NTAQ1: variants seen among roughly 807,000 people sequenced by gnomAD.
The protein encoded by NTAQ1 is protein N-terminal glutamine amidohydrolase.
In NTAQ1, 21 loss-of-function variants were observed where a neutral mutation model predicts 28.2. The observed-to-expected ratio is 0.74, with a 90% CI of 0.53 to 1.07. The LOEUF (loss-of-function observed/expected upper bound fraction) is 1.07. Among genes scored for constraint, NTAQ1 ranks in the 50% least tolerant of loss-of-function variants. NTAQ1 has a pLI of 0.00. For synonymous variants in NTAQ1, 105 were observed against 90.0 expected, an observed-to-expected ratio of 1.17 and a Z score of -0.94; for missense variants, 264 against 256.6, an observed-to-expected ratio of 1.03 and a Z score of -0.20.
At chr8:123,435,451 C>T (rs1011585611) in intron 3 of NTAQ1, 3 of 985,322 alleles carry the variant, frequency 3.0e-6, no homozygotes, top group Admixed American at 6.1e-5. Context: ...GGCTGACCCC[C>T]AGAAGCCTCC....
At chr8:123,426,421 G>A (rs1156862814) in intron 1 of NTAQ1, among the ~76,000 whole-genome samples, 2 of 152,232 alleles carry the variant, frequency 1.3e-5, no homozygotes, top group African/African-American at 2.4e-5. Flanking sequence ...TGTAATCCCA[G>A]TACTTAGGAA....
intron 6 of NTAQ1, among the ~76,000 whole-genome samples, chr8:123,459,326 C>T (rs991695642): frequency 6.6e-6 from 1 of 152,068 alleles, no homozygotes; most frequent in Non-Finnish European, 1.5e-5. Flanking sequence ...GCTTCTGTCC[C>T]CATGGAGTTG....
chr8:123,462,680 T>G (rs1173726283), intron 6 of NTAQ1, among the ~76,000 whole-genome samples: 1 of 152,072 alleles, frequency 6.6e-6, no homozygotes, highest in Non-Finnish European at 1.5e-5. Flanking sequence ...CTCAAAGAGG[T>G]CCCCCAGCTA....
intron 6 of NTAQ1, among the ~76,000 whole-genome samples, chr8:123,459,458 C>T (rs1468848181): frequency 6.6e-6 from 1 of 152,144 alleles, no homozygotes; most frequent in Non-Finnish European, 1.5e-5. Flanking sequence ...GTCTCTAGCC[C>T]TTCCCCATCT....
intron 1 of NTAQ1, 38 bp downstream of exon 1, chr8:123,416,970 C>A: frequency 7.1e-7 from 1 of 1,408,418 alleles, no homozygotes; most frequent in Non-Finnish European, 9.3e-7. Flanking sequence ...GTCTCCCAGG[C>A]TCCCGGGCGG....
chr8:123,418,072 G>A (rs189526521), intron 1 of NTAQ1, among the ~76,000 whole-genome samples: 1 of 152,228 alleles, frequency 6.6e-6, no homozygotes, highest in East Asian at 1.9e-4. Flanking sequence ...TGGAGTATGT[G>A]GCATACTTCT....
chr8:123,438,028 TATG>T (rs796394708), intron 5 of NTAQ1: 35 of 615,216 alleles, frequency 5.7e-5, no homozygotes, highest in African/African-American at 5.3e-4. Context: ...ATTGCATCCT[TATG>T]ATGTGTGAAA....
intron 6 of NTAQ1, among the ~76,000 whole-genome samples, chr8:123,459,324 C>T (rs1815749148): frequency 6.6e-6 from 1 of 152,072 alleles, no homozygotes; most frequent in Non-Finnish European, 1.5e-5. Context: ...GAGCTTCTGT[C>T]CCCATGGAGT....
chr8:123,424,247 ATT>A (rs36112265), intron 1 of NTAQ1, among the ~76,000 whole-genome samples: 28 of 140,640 alleles, frequency 2.0e-4, no homozygotes, highest in South Asian at 2.3e-4. Flanking sequence ...TAATTTTTGT[ATT>A]TTTTTTTTTT....
chr8:123,452,240 G>T (rs1006764336), downstream of NTAQ1, among the ~76,000 whole-genome samples: 3 of 152,180 alleles, frequency 2.0e-5, no homozygotes, highest in Admixed American at 6.5e-5. Flanking sequence ...GGCAGTCCAG[G>T]GAGAATGTGG....
intron 5 of NTAQ1, among the ~76,000 whole-genome samples, chr8:123,440,012 A>G (rs1171596111): frequency 6.6e-6 from 1 of 151,308 alleles, no homozygotes; most frequent in African/African-American, 2.4e-5. Context: ...ATTATTGGGT[A>G]TGTTGGATTT....
chr8:123,453,670 C>G (rs1815569431), intron 6 of NTAQ1, among the ~76,000 whole-genome samples: 1 of 152,112 alleles, frequency 6.6e-6, no homozygotes, highest in Admixed American at 6.5e-5. Flanking sequence ...AGGTGATCTG[C>G]CTGCTTTGGC....
At chr8:123,433,899 T>C (rs1814541982) in intron 3 of NTAQ1, among the ~76,000 whole-genome samples, 1 of 148,404 alleles carries the variant, frequency 6.7e-6, no homozygotes, top group African/African-American at 2.5e-5. Flanking sequence ...GTAAACTTTC[T>C]TAAAACATTA....
In NTAQ1 at chr8:123,438,381, C is replaced by T. The variant is rs192596103; in HGVS notation, c.508+1047C>T. On this transcript the variant is annotated intron_variant, in intron 5 of 5. Transcript: ENST00000287387. ...GTTAGTACTTCAACAAGGGTCTGAG[C>T]GTGGTGGCTTATGCCTGTAATCCCA... The T allele has an allele frequency of 5.1e-5, 26 of 513,194 alleles. No individual in the cohort carries two copies. In the East Asian group the frequency reaches 5.3e-4, roughly 10 times the overall value. The allele number at this position is 513,194 out of a possible 1,614,324, so 31.8% of individuals were successfully genotyped here.
At chr8:123,429,927 A>G in intron 2 of NTAQ1, 56 bp from the exon 3 acceptor site, 1 of 1,210,384 alleles carries the variant, frequency 8.3e-7, no homozygotes, top group Non-Finnish European at 1.2e-6. Flanking sequence ...AAAGGAAAAT[A>G]ATTTAGTAGT....
rs148729786 is a variant in NTAQ1, at chr8:123,465,088, A to G, written c.373-1991A>G. Among the ~76,000 whole-genome samples the G allele has an allele frequency of 6.6e-5, 10 of 152,322 alleles. No homozygotes were observed. In the East Asian group the frequency reaches 1.7e-3, roughly 26 times the overall value. ...GGAGAGACGATACTGAGCCAGAGCCATTTTTAAAACCCTTTTATTTTGAAC... is the reference window on the plus strand; with the variant it reads ...GGAGAGACGATACTGAGCCAGAGCCGTTTTTAAAACCCTTTTATTTTGAAC... On this transcript the variant is annotated intron_variant, in intron 6 of 6. Coordinates refer to the NTAQ1 transcript ENST00000650311.
downstream of NTAQ1, among the ~76,000 whole-genome samples, chr8:123,442,778 C>T (rs563701034): frequency 1.3e-4 from 20 of 150,732 alleles, no homozygotes; most frequent in South Asian, 2.1e-4. Context: ...AAGTGATTCT[C>T]GTGCCTCAGC....
intron 3 of NTAQ1, among the ~76,000 whole-genome samples, chr8:123,433,980 G>A (rs1436715218): frequency 2.0e-5 from 3 of 150,842 alleles, no homozygotes; most frequent in African/African-American, 2.4e-5. Flanking sequence ...TTTTATGTGT[G>A]GCCCAAGACA....
intron 6 of NTAQ1, among the ~76,000 whole-genome samples, chr8:123,460,202 A>G (rs1441891719): frequency 6.6e-6 from 1 of 152,204 alleles, no homozygotes; most frequent in African/African-American, 2.4e-5. Flanking sequence ...GATAATATGT[A>G]TGGAGTACTC....
Sources: allele counts gnomAD v4.1 joint callset (sites outside exome capture counted in the v4.1 genomes callset), GRCh38; gene constraint gnomAD v4.1.1; transcripts MANE v1.5; gene names NCBI Gene and HGNC (gene_info 2026-07-23, HGNC 2026-07-21).